The following RAD51B variants were observed in gnomAD, a reference collection of about 807,000 sequenced individuals.
RAD51B encodes DNA repair protein RAD51 homolog 2.
RAD51B carries 38 observed loss-of-function variants against 42.2 expected under a neutral mutation model. The ratio of observed to expected loss-of-function variants is 0.90; its 90% confidence interval spans 0.70 to 1.18. RAD51B has a LOEUF of 1.18. Among genes scored for constraint, RAD51B ranks in the 50% most tolerant of loss-of-function variants. RAD51B has a pLI of 0.00. For missense variants in RAD51B, 373 were observed against 400.7 expected (o/e 0.93, Z 0.59); for synonymous variants, 154 against 145.2 (o/e 1.06, Z -0.43).
intron 10 of RAD51B, among the ~76,000 whole-genome samples, chr14:68,635,543 T>C (rs544557078): frequency 7.9e-5 from 12 of 151,884 alleles, no homozygotes; most frequent in Admixed American, 1.3e-4. Flanking sequence ...TTATTTGAAA[T>C]CTAATTTATA....
intron 11 of RAD51B, among the ~76,000 whole-genome samples, chr14:68,682,625 C>A (rs1200829936): frequency 1.3e-5 from 2 of 152,130 alleles, no homozygotes; most frequent in Non-Finnish European, 2.9e-5. Flanking sequence ...GTCATTATTT[C>A]TTCCTTTAGC....
At chr14:68,342,646 C>T (rs2082594577) in intron 8 of RAD51B, among the ~76,000 whole-genome samples, 1 of 152,060 alleles carries the variant, frequency 6.6e-6, no homozygotes, top group African/African-American at 2.4e-5. Flanking sequence ...AAAAGATTTC[C>T]TTACCATAAA....
intron 7 of RAD51B, among the ~76,000 whole-genome samples, chr14:68,057,881 T>A (rs2076504021): frequency 1.3e-5 from 2 of 151,410 alleles, no homozygotes; most frequent in African/African-American, 4.9e-5. Context: ...TATTGATGTA[T>A]ATAAAAAGAT....
intron 7 of RAD51B, among the ~76,000 whole-genome samples, chr14:67,984,394 T>C (rs78785185): frequency 0.06 from 9,105 of 152,008 alleles, 640 homozygotes; most frequent in African/African-American, 0.17. Flanking sequence ...CAAGACACTT[T>C]CTTATTTTAA....
At chr14:68,513,143 AG>A (rs1364729651) in intron 10 of RAD51B, among the ~76,000 whole-genome samples, 2 of 152,008 alleles carry the variant, frequency 1.3e-5, no homozygotes, top group African/African-American at 2.4e-5. Context: ...ATGTCCTTGG[AG>A]GTTTTGGAGG....
intron 8 of RAD51B, among the ~76,000 whole-genome samples, chr14:68,393,064 C>T (rs1445918712): frequency 6.6e-6 from 1 of 152,222 alleles, no homozygotes; most frequent in Non-Finnish European, 1.5e-5. Context: ...ACCTTTCCAC[C>T]TATCAGGCTC....
chr14:68,055,550 A>G (rs1057236020), intron 7 of RAD51B, among the ~76,000 whole-genome samples: 4 of 152,186 alleles, frequency 2.6e-5, no homozygotes, highest in African/African-American at 9.6e-5. Flanking sequence ...TCTTTAATAT[A>G]TATCTTAATT....
chr14:68,258,397 TACACACACACCACACAC>T (rs985439832), intron 7 of RAD51B, among the ~76,000 whole-genome samples: 19 of 150,638 alleles, frequency 1.3e-4, no homozygotes, highest in Non-Finnish European at 2.1e-4. Flanking sequence ...CCTGTCTCTA[TACACACACACCACACAC>T]ACACACACAC....
At chr14:68,249,204 C>T (rs1256761995) in intron 7 of RAD51B, among the ~76,000 whole-genome samples, 1 of 152,216 alleles carries the variant, frequency 6.6e-6, no homozygotes, top group Non-Finnish European at 1.5e-5. Flanking sequence ...CTGGATGCCT[C>T]ACATGCCACA....
At chr14:68,480,028 C>G (rs970214747), downstream of RAD51B, among the ~76,000 whole-genome samples, 1 of 152,014 alleles carries the variant, frequency 6.6e-6, no homozygotes. Context: ...ATAAAACTTA[C>G]GTTAAATAAA....
chr14:68,061,669 A>T (rs2076570689), intron 7 of RAD51B, among the ~76,000 whole-genome samples: 2 of 151,420 alleles, frequency 1.3e-5, no homozygotes, highest in Non-Finnish European at 2.9e-5. Context: ...TGTAAATGGG[A>T]TTGCTTTCTT....
At chr14:68,593,969 C>T (rs945135559) in intron 10 of RAD51B, among the ~76,000 whole-genome samples, 5 of 152,282 alleles carry the variant, frequency 3.3e-5, no homozygotes, top group African/African-American at 4.8e-5. Context: ...GACCCCTCAG[C>T]GGCTTGGGAA....
chr14:68,501,487 T>C (rs547623258), intron 10 of RAD51B, among the ~76,000 whole-genome samples: 18 of 152,332 alleles, frequency 1.2e-4, no homozygotes, highest in African/African-American at 4.3e-4. Flanking sequence ...CAGCAACCCC[T>C]GTGCAAACTC....
Position 68,115,733 on chromosome 14 carries a change from G to C in RAD51B, c.757-176151G>C, listed in dbSNP as rs1038822588. On this transcript the variant is annotated intron_variant, in intron 7 of 10. Coordinates refer to ENST00000471583, the MANE Select transcript of RAD51B (RefSeq NM_133510.4). ...CAAAGTGCGGGAATCTTGTGTCAGG[G>C]AACTACATATTCAACACCACATACA... 4.0e-3 allele frequency among the ~76,000 whole-genome samples: 608 copies of C among 152,176 alleles called. 1 individual carries two copies. The highest frequency in any genetic ancestry group is 0.017 in the Middle Eastern group (5 of 294).
At chr14:67,997,863 C>G (rs142137814) in intron 7 of RAD51B, among the ~76,000 whole-genome samples, 81 of 152,224 alleles carry the variant, frequency 5.3e-4, no homozygotes, top group African/African-American at 1.9e-3. Flanking sequence ...TTTCTCGTGC[C>G]AAATCTGCTA....
intron 7 of RAD51B, among the ~76,000 whole-genome samples, chr14:68,111,840 A>G (rs1242372640): frequency 1.3e-5 from 2 of 152,048 alleles, no homozygotes; most frequent in East Asian, 3.9e-4. Context: ...TAAGTATTAC[A>G]TTATTAAGCC....
At chr14:68,395,222 C>T (rs1182265832) in intron 8 of RAD51B, among the ~76,000 whole-genome samples, 8 of 152,194 alleles carry the variant, frequency 5.3e-5, no homozygotes, top group Admixed American at 6.5e-5. Context: ...TCTCTTTGCC[C>T]GATTCCTATG....
intron 10 of RAD51B, among the ~76,000 whole-genome samples, chr14:68,618,412 A>C (rs1433719537): frequency 6.6e-6 from 1 of 152,114 alleles, no homozygotes; most frequent in African/African-American, 2.4e-5. Flanking sequence ...TCACCATCCT[A>C]TTGGGAGGCC....
intron 10 of RAD51B, among the ~76,000 whole-genome samples, chr14:68,470,931 C>T (rs576395228): frequency 6.6e-6 from 1 of 152,304 alleles, no homozygotes; most frequent in East Asian, 1.9e-4. Context: ...ACTGCAACAT[C>T]AAAGCTAATT....
Sources: gnomAD v4.1 joint callset for allele counts (sites outside exome capture counted in the v4.1 genomes callset) on GRCh38, gnomAD v4.1.1 for gene constraint, MANE v1.5 for transcripts, NCBI Gene and HGNC (gene_info 2026-07-23, HGNC 2026-07-21) for gene names.